CADPS2: variants seen among roughly 807,000 people sequenced by gnomAD.
The protein encoded by CADPS2 is calcium-dependent secretion activator 2.
In CADPS2, 93 loss-of-function variants were observed where a neutral mutation model predicts 172.5. The ratio of observed to expected loss-of-function variants is 0.54; its 90% CI spans 0.46 to 0.64. CADPS2 has a LOEUF of 0.64. Ranked by LOEUF, CADPS2 falls within the 30% of genes least tolerant of loss-of-function variation. The pLI is 0.00. For synonymous variants in CADPS2, 546 were observed against 555.2 expected, an observed-to-expected ratio of 0.98 and a Z score of 0.23; for missense variants, 1,420 against 1,565.9, an observed-to-expected ratio of 0.91 and a Z score of 1.57.
intron 10 of CADPS2, among the ~76,000 whole-genome samples, chr7:122,490,887 A>G (rs942114430): frequency 6.6e-5 from 10 of 152,142 alleles, no homozygotes; most frequent in Admixed American, 3.9e-4. Flanking sequence ...CAGGTGTCCA[A>G]TACTCTTTCC....
chr7:122,430,457 A>G (rs576077472), intron 17 of CADPS2, among the ~76,000 whole-genome samples: 55 of 152,294 alleles, frequency 3.6e-4, no homozygotes, highest in Middle Eastern at 3.4e-3. Flanking sequence ...ATAATATCTA[A>G]TTTGCATCAA....
intron 1 of CADPS2, among the ~76,000 whole-genome samples, chr7:122,866,876 A>T (rs1818448709): frequency 6.6e-6 from 1 of 152,116 alleles, no homozygotes. Flanking sequence ...CGGCCTAAAA[A>T]ATTCATATAA....
chr7:122,845,059 A>G (rs986914752), intron 1 of CADPS2, among the ~76,000 whole-genome samples: 2 of 152,166 alleles, frequency 1.3e-5, no homozygotes, highest in African/African-American at 4.8e-5. Context: ...TTCCCTGCTG[A>G]TAAGCCAAAT....
At chr7:122,607,301 G>A (rs960541805) in intron 6 of CADPS2, among the ~76,000 whole-genome samples, 1 of 152,126 alleles carries the variant, frequency 6.6e-6, no homozygotes, top group Non-Finnish European at 1.5e-5. Flanking sequence ...ACCAGAAAAG[G>A]TATGGTATCT....
At chr7:122,514,818 T>C (rs2060239484) in intron 8 of CADPS2, among the ~76,000 whole-genome samples, 1 of 152,102 alleles carries the variant, frequency 6.6e-6, no homozygotes, top group Non-Finnish European at 1.5e-5. Flanking sequence ...ATGTTTTTGA[T>C]AAAATTAATA....
chr7:122,386,296 C>A, intron 24 of CADPS2: 2 of 1,438,868 alleles, frequency 1.4e-6, no homozygotes, highest in Non-Finnish European at 1.8e-6. Flanking sequence ...GAGACTTACC[C>A]ATTGACTACC....
chr7:122,731,693 TAAC>T (rs750020534), intron 2 of CADPS2, among the ~76,000 whole-genome samples: 22 of 151,270 alleles, frequency 1.5e-4, no homozygotes, highest in Non-Finnish European at 3.0e-4. Flanking sequence ...ACCCTTCAAT[TAAC>T]AAAAAAGATG....
intron 7 of CADPS2, among the ~76,000 whole-genome samples, chr7:122,561,689 T>G (rs1315105844): frequency 6.6e-6 from 1 of 152,150 alleles, no homozygotes; most frequent in Non-Finnish European, 1.5e-5. Flanking sequence ...TTAAGACATT[T>G]TTTTTCACCA....
At chr7:122,579,226 A>T (rs541594207) in intron 7 of CADPS2, among the ~76,000 whole-genome samples, 1,767 of 152,012 alleles carry the variant, frequency 0.012, 34 homozygotes, top group African/African-American at 0.04. Context: ...ACCCTCCAGG[A>T]GACATTTAGC....
intron 1 of CADPS2, among the ~76,000 whole-genome samples, chr7:122,858,248 A>G (rs1342038784): frequency 6.6e-6 from 1 of 152,104 alleles, no homozygotes. Flanking sequence ...CCCTACCCAG[A>G]AGTCCAGCTG....
intron 7 of CADPS2, among the ~76,000 whole-genome samples, chr7:122,569,820 G>A (rs1470889862): frequency 6.9e-6 from 1 of 144,912 alleles, no homozygotes; most frequent in Non-Finnish European, 1.5e-5. Flanking sequence ...GGGAAAACTG[G>A]CTAGCCATAT....
intron 1 of CADPS2, among the ~76,000 whole-genome samples, chr7:122,833,644 C>T (rs1395457856): frequency 6.6e-6 from 1 of 152,098 alleles, no homozygotes; most frequent in Non-Finnish European, 1.5e-5. Flanking sequence ...GATCTGCCCA[C>T]CTCGGCCTCC....
intron 1 of CADPS2, among the ~76,000 whole-genome samples, chr7:122,875,160 C>T (rs562429119): frequency 2.6e-5 from 4 of 152,200 alleles, no homozygotes; most frequent in Admixed American, 6.5e-5. Context: ...TGTGTACATA[C>T]GTGTTTACAT....
chr7:122,782,214 C>T (rs1296442719), intron 1 of CADPS2, among the ~76,000 whole-genome samples: 2 of 152,120 alleles, frequency 1.3e-5, no homozygotes, highest in African/African-American at 2.4e-5. Flanking sequence ...AAAAATTAGA[C>T]TCCTTGGGAT....
At chr7:122,494,560 T>C (rs900538346) in intron 9 of CADPS2, among the ~76,000 whole-genome samples, 4 of 151,370 alleles carry the variant, frequency 2.6e-5, no homozygotes, top group East Asian at 3.9e-4. Flanking sequence ...TATATATATA[T>C]GAATTAAAAT....
At chr7:122,592,572 A>T (rs2071020041) in intron 6 of CADPS2, among the ~76,000 whole-genome samples, 1 of 152,150 alleles carries the variant, frequency 6.6e-6, no homozygotes, top group African/African-American at 2.4e-5. Flanking sequence ...ACAATAGCAA[A>T]GACTTGGAAC....
At chr7:122,571,888 A>C (rs185039045) in intron 7 of CADPS2, among the ~76,000 whole-genome samples, 1 of 152,168 alleles carries the variant, frequency 6.6e-6, no homozygotes, top group Non-Finnish European at 1.5e-5. Flanking sequence ...GTAACAGATG[A>C]GGAGTAGATT....
At chr7:122,702,935 A>G (rs1010967889) in intron 2 of CADPS2, 30 of 534,100 alleles carry the variant, frequency 5.6e-5, no homozygotes, top group African/African-American at 5.5e-4. Flanking sequence ...CTTTCTCATA[A>G]TGAAACAAAA....
At chr7:122,679,566 G>C in intron 2 of CADPS2, among the ~76,000 whole-genome samples, 1 of 151,950 alleles carries the variant, frequency 6.6e-6, no homozygotes, top group East Asian at 1.9e-4. Context: ...GTGATCTTTT[G>C]TTGCCCTTAA....
Sources: allele counts gnomAD v4.1 joint callset (sites outside exome capture counted in the v4.1 genomes callset), GRCh38; gene constraint gnomAD v4.1.1; transcripts MANE v1.5; gene names NCBI Gene and HGNC (gene_info 2026-07-23, HGNC 2026-07-21).